Variants in ITGA8 observed in about 807,000 individuals in gnomAD.
The protein encoded by ITGA8 is integrin subunit alpha 8.
A neutral mutation model predicts 142.3 loss-of-function variants in ITGA8; 91 were observed. The ratio of observed to expected loss-of-function variants is 0.64; its 90% CI spans 0.54 to 0.76. The LOEUF (loss-of-function observed/expected upper bound fraction) is 0.76. Ranked by LOEUF, ITGA8 falls within the 30% of genes least tolerant of loss-of-function variation. The pLI is 0.00. For missense variants in ITGA8, 1,406 were observed against 1,327.7 expected, an observed-to-expected ratio of 1.06 and a Z score of -0.92; for synonymous variants, 505 against 485.2, an observed-to-expected ratio of 1.04 and a Z score of -0.54.
chr10:15,556,027 T>C (rs1833883170), intron 26 of ITGA8, among the ~76,000 whole-genome samples: 2 of 108,998 alleles, frequency 1.8e-5, no homozygotes, highest in Non-Finnish European at 3.8e-5. Context: ...TCTTTTTTTT[T>C]TTTTTTTTTT....
At chr10:15,696,706 T>C (rs902107307) in intron 2 of ITGA8, among the ~76,000 whole-genome samples, 1 of 151,844 alleles carries the variant, frequency 6.6e-6, no homozygotes, top group Non-Finnish European at 1.5e-5. Context: ...TTTTGTTCAG[T>C]AGAAATAATA....
intron 2 of ITGA8, among the ~76,000 whole-genome samples, chr10:15,697,438 C>G (rs1222377195): frequency 1.3e-5 from 2 of 152,188 alleles, no homozygotes; most frequent in Non-Finnish European, 2.9e-5. Context: ...CCTCCCCGTC[C>G]AGAGGTTGCC....
intron 22 of ITGA8, among the ~76,000 whole-genome samples, chr10:15,590,571 A>G (rs1476402395): frequency 6.6e-6 from 1 of 152,198 alleles, no homozygotes; most frequent in Non-Finnish European, 1.5e-5. Flanking sequence ...GATGCAGAGG[A>G]ATAGAAACTT....
rs117044075 is a variant in ITGA8, at chr10:15,558,728, C to T, written c.2638-526G>A. On this transcript the variant is annotated intron_variant, in intron 25 of 29. Transcript: ENST00000378076. ...CACTCCTTTAGGAGAAAATTCTGCC[C>T]TGACAAAAATGACTTTTCGAAAGTC... Among the ~76,000 whole-genome samples, 16 of 152,264 alleles carry T rather than the reference C, an allele frequency of 1.1e-4. No homozygotes were observed. The East Asian group carries it at 2.7e-3, about 26-fold the overall frequency.
intron 23 of ITGA8, among the ~76,000 whole-genome samples, chr10:15,583,422 G>C (rs1475661633): frequency 6.6e-6 from 1 of 152,098 alleles, no homozygotes; most frequent in Non-Finnish European, 1.5e-5. Flanking sequence ...TAGATGATGG[G>C]TTGATGAGTG....
At position 15,515,296 on chromosome 10, in the gene ITGA8, AC is replaced by A. The variant is rs2131526420; in HGVS notation, c.*1861del. ...TGCTCATCCGTAGTCAGCCACACAAACCAGCCTTGAGCTCCTGACCGACCCG... is the reference window on the plus strand; with the variant it reads ...TGCTCATCCGTAGTCAGCCACACAAACAGCCTTGAGCTCCTGACCGACCCG... On this transcript the variant is annotated 3_prime_UTR_variant, in exon 30 of 30. Coordinates refer to ENST00000378076, the MANE Select transcript of ITGA8 (RefSeq NM_003638.3). 1 of 152,406 alleles carries A rather than the reference AC, an allele frequency of 6.6e-6. No homozygotes were observed. Among genetic ancestry groups the A allele is most frequent in the South Asian group, 2.1e-4 (1 of 4,826 alleles). The allele number at this position is 152,406 out of a possible 1,614,324, so 9.4% of individuals were successfully genotyped here. A position where few individuals can be genotyped will look rare whatever the true frequency, so the allele number is the denominator to read the frequency against.
intron 2 of ITGA8, among the ~76,000 whole-genome samples, chr10:15,690,322 C>G (rs1834909910): frequency 6.6e-6 from 1 of 152,138 alleles, no homozygotes; most frequent in South Asian, 2.1e-4. Context: ...TGCAGCTGTG[C>G]CCTACTTTCC....
intron 2 of ITGA8, among the ~76,000 whole-genome samples, chr10:15,693,607 TTA>T (rs1459437148): frequency 1.3e-5 from 2 of 152,200 alleles, no homozygotes; most frequent in Non-Finnish European, 2.9e-5. Context: ...ACATTTCTAT[TTA>T]TGTCTAGGAA....
intron 6 of ITGA8, among the ~76,000 whole-genome samples, chr10:15,675,906 A>G (rs1834620867): frequency 6.6e-6 from 1 of 152,206 alleles, no homozygotes; most frequent in Non-Finnish European, 1.5e-5. Context: ...TGCCATTGCT[A>G]TGGTAAATTT....
intron 8 of ITGA8, among the ~76,000 whole-genome samples, chr10:15,669,979 C>G (rs948567681): frequency 7.2e-5 from 11 of 152,180 alleles, no homozygotes; most frequent in African/African-American, 2.4e-4. Flanking sequence ...CTTGAGGAGG[C>G]AGTCTGCCCG....
intron 13 of ITGA8, among the ~76,000 whole-genome samples, chr10:15,641,481 T>A (rs1833870450): frequency 6.6e-6 from 1 of 152,200 alleles, no homozygotes; most frequent in African/African-American, 2.4e-5. Context: ...TGCTATGAAG[T>A]TAAAAAGGCT....
chr10:15,631,754 T>C (rs73603041), intron 13 of ITGA8, among the ~76,000 whole-genome samples: 2,146 of 150,974 alleles, frequency 0.014, 69 homozygotes, highest in African/African-American at 0.051. Flanking sequence ...GAGGACTCTA[T>C]GGCACAATTG....
chr10:15,633,275 C>T (rs943368604), intron 13 of ITGA8, among the ~76,000 whole-genome samples: 1 of 151,962 alleles, frequency 6.6e-6, no homozygotes, highest in African/African-American at 2.4e-5. Flanking sequence ...TTTCCTTTAA[C>T]TTATATATAG....
chr10:15,679,817 ATTG>A (rs1262733513), intron 4 of ITGA8, among the ~76,000 whole-genome samples: 1 of 152,174 alleles, frequency 6.6e-6, no homozygotes, highest in Non-Finnish European at 1.5e-5. Context: ...TTTCAAGGCT[ATTG>A]TTATCAAAAG....
intron 27 of ITGA8, among the ~76,000 whole-genome samples, chr10:15,547,138 C>T (rs1170879085): frequency 1.3e-5 from 2 of 151,502 alleles, no homozygotes; most frequent in Admixed American, 6.6e-5. Context: ...AATGTGTAGA[C>T]GTGGTAAGAG....
intron 25 of ITGA8, among the ~76,000 whole-genome samples, chr10:15,558,780 G>T (rs1833927097): frequency 6.6e-6 from 1 of 152,190 alleles, no homozygotes; most frequent in Non-Finnish European, 1.5e-5. Flanking sequence ...TGCTGCAGTG[G>T]AGTCTGTTTT....
Position 15,579,260 on chromosome 10 carries a change from T to A in ITGA8, c.2373-3666A>T, listed in dbSNP as rs561717841. Among the ~76,000 whole-genome samples the A allele has an allele frequency of 2.6e-5, 4 of 152,272 alleles. No individual in the cohort carries two copies. In the South Asian group the frequency reaches 6.2e-4, roughly 24 times the overall value. On this transcript the variant is annotated intron_variant, in intron 23 of 29. Coordinates refer to ENST00000378076, the MANE Select transcript of ITGA8 (RefSeq NM_003638.3). ...TGTGGTCAATTGTTGGACATTAATC[T>A]AGCTATTAAAGTAGCTGCTTTCGTA... is the stretch of plus-strand genomic sequence containing the variant.
intron 2 of ITGA8, among the ~76,000 whole-genome samples, chr10:15,710,799 T>C (rs570158665): frequency 1.3e-5 from 2 of 152,192 alleles, no homozygotes; most frequent in Non-Finnish European, 2.9e-5. Flanking sequence ...CTTCCACTGC[T>C]GTACCTGGGG....
At chr10:15,613,031 G>T (rs1025674929) in intron 15 of ITGA8, among the ~76,000 whole-genome samples, 2 of 152,076 alleles carry the variant, frequency 1.3e-5, no homozygotes, top group Non-Finnish European at 2.9e-5. Flanking sequence ...AATGATGGTG[G>T]GTGCCTGTAA....
Sources: allele counts gnomAD v4.1 joint callset (sites outside exome capture counted in the v4.1 genomes callset), GRCh38; gene constraint gnomAD v4.1.1; transcripts MANE v1.5; gene names NCBI Gene and HGNC (gene_info 2026-07-23, HGNC 2026-07-21).